AFAP1L2: variants seen among roughly 807,000 people sequenced by gnomAD.
AFAP1L2 encodes the protein actin filament associated protein 1 like 2.
AFAP1L2 carries 46 observed loss-of-function variants against 99.3 expected under a neutral mutation model. The observed-to-expected ratio is 0.46, with a 90% confidence interval of 0.37 to 0.59. The LOEUF (loss-of-function observed/expected upper bound fraction) is 0.59. Ranked by LOEUF, AFAP1L2 falls within the 20% of genes least tolerant of loss-of-function variation. The pLI is 0.00. For missense variants in AFAP1L2, 959 were observed against 1,034.9 expected (o/e 0.93, Z 1.01); for synonymous variants, 397 against 419.1 (o/e 0.95, Z 0.64).
downstream of AFAP1L2, chr10:114,289,927 G>T (rs2039390319): frequency 3.2e-6 from 1 of 316,894 alleles, no homozygotes; most frequent in Non-Finnish European, 5.9e-6. Flanking sequence ...GGGAGGTGGA[G>T]GTTGTGGTGA....
chr10:114,398,595 T>A (rs1014599474), intron 1 of AFAP1L2, among the ~76,000 whole-genome samples: 1 of 152,252 alleles, frequency 6.6e-6, no homozygotes, highest in African/African-American at 2.4e-5. Context: ...CAAGGTAGAT[T>A]AGTAATCATT....
At chr10:114,301,827 G>A (rs973863999) in intron 12 of AFAP1L2, 6 of 307,496 alleles carry the variant, frequency 2.0e-5, no homozygotes, top group East Asian at 1.4e-4. Context: ...TTGGGGTGGC[G>A]CAGGCCAGAC....
intron 1 of AFAP1L2, among the ~76,000 whole-genome samples, chr10:114,369,419 C>T (rs953534066): frequency 6.6e-6 from 1 of 151,934 alleles, no homozygotes; most frequent in African/African-American, 2.4e-5. Context: ...CATGGTGAAA[C>T]CCCGTCTCTA....
At chr10:114,300,422 T>C (rs1296844683) in intron 14 of AFAP1L2, 23 bp downstream of exon 14, 1 of 1,507,622 alleles carries the variant, frequency 6.6e-7, no homozygotes, top group South Asian at 1.1e-5. Flanking sequence ...GTGGTCTTGC[T>C]GTCCTGCAGG....
intron 4 of AFAP1L2, chr10:114,326,023 G>GCCC (rs1554901639): frequency 0.12 from 141,023 of 1,189,142 alleles, 9,956 homozygotes; most frequent in African/African-American, 0.34. Context: ...CCGAGATCTG[G>GCCC]CCCAAGGTCA....
chr10:114,298,138 G>T (rs898237625), intron 16 of AFAP1L2, among the ~76,000 whole-genome samples: 2 of 152,228 alleles, frequency 1.3e-5, no homozygotes, highest in Non-Finnish European at 2.9e-5. Context: ...AGTACTTTGG[G>T]AGGCTGAGGC....
At chr10:114,402,166 T>C (rs531789809) in intron 1 of AFAP1L2, among the ~76,000 whole-genome samples, 2 of 152,358 alleles carry the variant, frequency 1.3e-5, no homozygotes, top group South Asian at 2.1e-4. Flanking sequence ...GTTATTCCAA[T>C]AACTATTCAA....
At chr10:114,357,396 G>C (rs2051543416) in intron 1 of AFAP1L2, among the ~76,000 whole-genome samples, 1 of 152,136 alleles carries the variant, frequency 6.6e-6, no homozygotes, top group Admixed American at 6.5e-5. Flanking sequence ...ACTCTGAACT[G>C]TTATCCCCTT....
intron 1 of AFAP1L2, among the ~76,000 whole-genome samples, chr10:114,365,128 C>T (rs1321976745): frequency 3.9e-5 from 6 of 152,222 alleles, no homozygotes; most frequent in African/African-American, 7.2e-5. Context: ...TGTACCCTAA[C>T]GTTCCTTAGC....
intron 1 of AFAP1L2, among the ~76,000 whole-genome samples, chr10:114,342,831 G>A (rs977286852): frequency 6.6e-6 from 1 of 152,364 alleles, no homozygotes; most frequent in South Asian, 2.1e-4. Context: ...ATAAGAAACT[G>A]AGACATCCTC....
intron 1 of AFAP1L2, among the ~76,000 whole-genome samples, chr10:114,395,234 T>A (rs576800766): frequency 1.3e-5 from 2 of 152,316 alleles, no homozygotes; most frequent in Non-Finnish European, 2.9e-5. Context: ...TGTGCTAGAA[T>A]TGGGTGCCGC....
At chr10:114,341,048 C>A (rs2048749147) in intron 1 of AFAP1L2, among the ~76,000 whole-genome samples, 1 of 152,238 alleles carries the variant, frequency 6.6e-6, no homozygotes, top group African/African-American at 2.4e-5. Context: ...AAACGCCTGC[C>A]CTCACAGGGC....
intron 1 of AFAP1L2, among the ~76,000 whole-genome samples, chr10:114,352,105 A>G (rs2050595187): frequency 1.3e-5 from 2 of 152,188 alleles, no homozygotes; most frequent in African/African-American, 4.8e-5. Flanking sequence ...TTCCTCTTAT[A>G]AGAGTGGTAG....
intron 11 of AFAP1L2, among the ~76,000 whole-genome samples, chr10:114,302,837 A>ATGAT (rs2134085382): frequency 6.6e-6 from 1 of 152,350 alleles, no homozygotes; most frequent in Admixed American, 6.5e-5. Context: ...AGTTTTTAAA[A>ATGAT]TGATTAAAAA....
At chr10:114,380,550 T>C (rs1420419988) in intron 1 of AFAP1L2, among the ~76,000 whole-genome samples, 6 of 152,322 alleles carry the variant, frequency 3.9e-5, no homozygotes, top group African/African-American at 1.4e-4. Context: ...CCCTGCACTA[T>C]ATATAAAGGT....
chr10:114,395,756 TGC>T (rs2057637187), intron 1 of AFAP1L2, among the ~76,000 whole-genome samples: 1 of 152,034 alleles, frequency 6.6e-6, no homozygotes, highest in Admixed American at 6.6e-5. Flanking sequence ...GGCAGAGGTG[TGC>T]AGCCCAGGGA....
At chr10:114,382,344 G>A (rs1036971489) in intron 1 of AFAP1L2, among the ~76,000 whole-genome samples, 4 of 151,990 alleles carry the variant, frequency 2.6e-5, no homozygotes, top group African/African-American at 7.2e-5. Flanking sequence ...GAATGAGCTC[G>A]AGATACAGCC....
chr10:114,305,435 ACGCAGATGCAGGAGGGG>A (rs2042066577), intron 10 of AFAP1L2, among the ~76,000 whole-genome samples: 2 of 5,100 alleles, frequency 3.9e-4, no homozygotes, highest in African/African-American at 7.2e-4. Flanking sequence ...GCAGGAGGGG[ACGCAGATGCAGGAGGGG>A]ACGCAGGTGC....
intron 6 of AFAP1L2, among the ~76,000 whole-genome samples, chr10:114,315,105 C>T (rs1047178604): frequency 1.3e-5 from 2 of 152,190 alleles, no homozygotes; most frequent in Non-Finnish European, 2.9e-5. Flanking sequence ...TGCGCCACTG[C>T]ACTGCAGCCT....
Sources: gnomAD v4.1 joint callset for allele counts (sites outside exome capture counted in the v4.1 genomes callset) on GRCh38, gnomAD v4.1.1 for gene constraint, MANE v1.5 for transcripts, NCBI Gene and HGNC (gene_info 2026-07-23, HGNC 2026-07-21) for gene names.